The following CSMD1 variants were observed in gnomAD, a reference collection of about 807,000 sequenced individuals.
CSMD1 encodes CUB and Sushi multiple domains 1, also known as CUB and sushi domain-containing protein 1.
A neutral mutation model predicts 417.5 loss-of-function variants in CSMD1; 213 were observed. The observed-to-expected ratio is 0.51, with a 90% CI of 0.46 to 0.57. The LOEUF is 0.57. Ranked by LOEUF, CSMD1 falls within the 20% of genes least tolerant of loss-of-function variation. The pLI is 0.00. For missense variants in CSMD1, 6,923 were observed against 4,529.7 expected, an observed-to-expected ratio of 1.53 and a Z score of -15.17; for synonymous variants, 2,862 against 1,736.8, an observed-to-expected ratio of 1.65 and a Z score of -16.11.
intron 5 of CSMD1, among the ~76,000 whole-genome samples, chr8:3,798,912 G>A (rs1025883022): frequency 2.0e-5 from 3 of 152,036 alleles, no homozygotes; most frequent in Non-Finnish European, 4.4e-5. Context: ...AAGAAGAAAT[G>A]TGGAGTCAAG....
intron 7 of CSMD1, among the ~76,000 whole-genome samples, chr8:3,673,843 C>A (rs890724833): frequency 7.9e-5 from 12 of 152,134 alleles, no homozygotes; most frequent in Non-Finnish European, 1.2e-4. Context: ...GAGGGCCAGG[C>A]ATGGTGGCTC....
intron 12 of CSMD1, among the ~76,000 whole-genome samples, chr8:3,461,607 C>T (rs533770388): frequency 1.3e-5 from 2 of 152,302 alleles, no homozygotes; most frequent in South Asian, 2.1e-4. Flanking sequence ...GGAAGGGCCC[C>T]ATGAAACTGT....
chr8:4,919,366 C>G (rs1361755203), intron 1 of CSMD1, among the ~76,000 whole-genome samples: 1 of 151,986 alleles, frequency 6.6e-6, no homozygotes, highest in Non-Finnish European at 1.5e-5. Context: ...TAAAATTTAG[C>G]ATAAACAAAT....
intron 10 of CSMD1, among the ~76,000 whole-genome samples, chr8:3,559,883 A>G (rs1799395374): frequency 6.6e-6 from 1 of 152,186 alleles, no homozygotes; most frequent in Non-Finnish European, 1.5e-5. Context: ...TGAGAATGGA[A>G]GAGGGGTTGA....
chr8:3,155,508 C>T (rs1819469739), intron 39 of CSMD1, among the ~76,000 whole-genome samples: 1 of 151,452 alleles, frequency 6.6e-6, no homozygotes, highest in African/African-American at 2.4e-5. Context: ...GCTGAGACTA[C>T]AGATGGTCGC....
chr8:4,378,476 T>G (rs1802893897), intron 3 of CSMD1, among the ~76,000 whole-genome samples: 1 of 152,290 alleles, frequency 6.6e-6, no homozygotes, highest in East Asian at 1.9e-4. Context: ...GTCTCCCTAG[T>G]TTTTATCCCC....
intron 2 of CSMD1, among the ~76,000 whole-genome samples, chr8:4,574,681 T>C (rs1470374701): frequency 6.6e-6 from 1 of 152,176 alleles, no homozygotes; most frequent in Non-Finnish European, 1.5e-5. Flanking sequence ...ATACGCTCTC[T>C]TCCAGATATG....
chr8:4,182,439 A>G (rs891139380), intron 3 of CSMD1, among the ~76,000 whole-genome samples: 1 of 152,160 alleles, frequency 6.6e-6, no homozygotes, highest in Non-Finnish European at 1.5e-5. Context: ...TTATATAATG[A>G]AATAATAAAA....
intron 2 of CSMD1, among the ~76,000 whole-genome samples, chr8:4,495,027 T>A (rs1801908988): frequency 1.3e-5 from 2 of 151,758 alleles, no homozygotes. Context: ...CAACAAGAGA[T>A]CACTTAGAAC....
intron 1 of CSMD1, among the ~76,000 whole-genome samples, chr8:4,916,518 C>A (rs1180176765): frequency 6.6e-6 from 1 of 152,182 alleles, no homozygotes; most frequent in East Asian, 1.9e-4. Context: ...AATATGAAAG[C>A]TAAATGCAGT....
chr8:3,267,632 G>A (rs144197437), intron 26 of CSMD1, among the ~76,000 whole-genome samples: 12 of 152,282 alleles, frequency 7.9e-5, no homozygotes, highest in African/African-American at 2.4e-4. Context: ...AATGTGTCCC[G>A]GCAAAAGCAA....
chr8:4,853,978 G>T (rs570096483), intron 1 of CSMD1, among the ~76,000 whole-genome samples: 1 of 152,140 alleles, frequency 6.6e-6, no homozygotes, highest in East Asian at 1.9e-4. Flanking sequence ...TTTTCCTTTG[G>T]TATGAGAATA....
chr8:4,020,549 T>C (rs1333022342), intron 4 of CSMD1, among the ~76,000 whole-genome samples: 1 of 152,192 alleles, frequency 6.6e-6, no homozygotes, highest in Non-Finnish European at 1.5e-5. Context: ...ATAAGAAGAA[T>C]ACATAACCAA....
chr8:4,176,890 T>C (rs1024617877), intron 3 of CSMD1, among the ~76,000 whole-genome samples: 3 of 148,610 alleles, frequency 2.0e-5, no homozygotes, highest in Admixed American at 6.8e-5. Flanking sequence ...CTATCCTAAA[T>C]ATATATGCAC....
In CSMD1 at chr8:4,975,630, G is replaced by A. The variant is rs550832031; in HGVS notation, c.85+18702C>T. On this transcript the variant is annotated intron_variant, in intron 1 of 69. Transcript: ENST00000635120. ...GGCTCCAGGTACAAGTATTGCATCCGAACAAAACAGGTGTTACTCTGAAGT... is the reference window on the plus strand; with the variant it reads ...GGCTCCAGGTACAAGTATTGCATCCAAACAAAACAGGTGTTACTCTGAAGT... 5.3e-5 allele frequency among the ~76,000 whole-genome samples: 8 copies of A among 152,204 alleles called. No individual in the cohort carries two copies. The East Asian group carries it at 9.7e-4, about 18-fold the overall frequency.
rs77199785 is a variant in CSMD1, at chr8:4,963,692, G to A, written c.85+30640C>T. Among the ~76,000 whole-genome samples the A allele has an allele frequency of 4.1e-4, 62 of 152,248 alleles. No homozygotes were observed. In the East Asian group the frequency reaches 8.7e-3, roughly 21 times the overall value. On this transcript the variant is annotated intron_variant, in intron 1 of 69. Coordinates refer to ENST00000635120, the MANE Select transcript of CSMD1 (RefSeq NM_033225.6). ...TTGAAATTCCTCTGTGTAGACACAG[G>A]TGTCTAAAAGCTCTTCTTTGACCAT...
chr8:3,926,229 C>A (rs990652210), intron 5 of CSMD1, among the ~76,000 whole-genome samples: 2 of 152,008 alleles, frequency 1.3e-5, no homozygotes, highest in Non-Finnish European at 2.9e-5. Context: ...GATTTATTTC[C>A]TCTTTTATGT....
intron 5 of CSMD1, among the ~76,000 whole-genome samples, chr8:3,788,435 A>G (rs904611622): frequency 6.6e-6 from 1 of 152,186 alleles, no homozygotes; most frequent in Non-Finnish European, 1.5e-5. Context: ...CAACAGAAGA[A>G]CCAGCTGAGA....
At chr8:3,363,494 G>T (rs1809334157) in intron 20 of CSMD1, among the ~76,000 whole-genome samples, 9 of 151,758 alleles carry the variant, frequency 5.9e-5, no homozygotes, top group Admixed American at 5.9e-4. Context: ...GTTTTGCCTG[G>T]TGAAAAATGT....
Sources: gnomAD v4.1 joint callset for allele counts (sites outside exome capture counted in the v4.1 genomes callset) on GRCh38, gnomAD v4.1.1 for gene constraint, MANE v1.5 for transcripts, NCBI Gene and HGNC (gene_info 2026-07-23, HGNC 2026-07-21) for gene names.